HTR2C: variants seen among roughly 807,000 people sequenced by gnomAD.
HTR2C encodes the protein 5-hydroxytryptamine (serotonin) receptor 2C, G protein-coupled.
In HTR2C, 5 loss-of-function variants were observed where a neutral mutation model predicts 21.0. The observed-to-expected ratio is 0.24, with a 90% CI of 0.12 to 0.50. HTR2C has a LOEUF of 0.50. Ranked by LOEUF, HTR2C falls within the 20% of genes least tolerant of loss-of-function variation. The probability of loss-of-function intolerance (pLI) is 0.98; values close to 1 mark genes in which losing one functional copy is unlikely to be tolerated. For missense variants in HTR2C, 271 were observed against 371.2 expected (o/e 0.73, Z 2.22); for synonymous variants, 150 against 145.3 (o/e 1.03, Z -0.23).
chrX:114,754,491 C>T (rs1213983454), intron 4 of HTR2C, among the ~76,000 whole-genome samples: 1 of 111,260 alleles, frequency 9.0e-6, no homozygotes. Context: ...CAGAAATATA[C>T]CCACATAAAT....
intron 4 of HTR2C, among the ~76,000 whole-genome samples, chrX:114,752,708 C>T (rs182335481): frequency 1.8e-5 from 2 of 110,440 alleles, no homozygotes; most frequent in African/African-American, 6.6e-5. Flanking sequence ...TCTCTCCCAA[C>T]AGAACGCAAC....
At chrX:114,591,824 C>T (rs1292841903) in intron 1 of HTR2C, among the ~76,000 whole-genome samples, 5 of 112,003 alleles carry the variant, frequency 4.5e-5, no homozygotes, top group African/African-American at 9.7e-5. Flanking sequence ...TTCTACAATA[C>T]TTCCCTAAGG....
At chrX:114,603,559 G>A (rs1194357434) in intron 1 of HTR2C, among the ~76,000 whole-genome samples, 17 of 104,233 alleles carry the variant, frequency 1.6e-4, no homozygotes, top group Middle Eastern at 9.5e-3. Context: ...ATTCGGACAC[G>A]ATTGGCAGAG....
chrX:114,901,742 G>A (rs1325394421), intron 5 of HTR2C, among the ~76,000 whole-genome samples: 1 of 111,350 alleles, frequency 9.0e-6, no homozygotes, highest in Non-Finnish European at 1.9e-5. Flanking sequence ...AGTACCTAAG[G>A]TTTGCAGCAC....
chrX:114,631,040 T>A (rs1929597333), intron 2 of HTR2C: 1 of 221,251 alleles, frequency 4.5e-6, no homozygotes, highest in Admixed American at 4.6e-5. Context: ...GCGCGGTGGC[T>A]CACTCCTGTA....
In HTR2C at chrX:114,739,616, T is replaced by C. The variant is rs140551156; in HGVS notation, c.349+8009T>C. ...ATTGATATCATTGGCATAACAACAA[T>C]AATAATAATAACAATAATACATGCC... On this transcript the variant is annotated intron_variant, in intron 4 of 5. Coordinates refer to ENST00000276198, the MANE Select transcript of HTR2C (RefSeq NM_000868.4). Among the ~76,000 whole-genome samples the C allele has an allele frequency of 8.4e-3, 926 of 110,852 alleles. 11 individuals are homozygous for C. The highest frequency in any genetic ancestry group is 0.029 in the African/African-American group (877 of 30,556).
In HTR2C at chrX:114,775,565, G is replaced by A. The variant is rs2070048959; in HGVS notation, c.349+43958G>A. ...CAGGAGGACAGTCATGACTCCACCA[G>A]CAAGTTCAATACCAAAGGAAAGAGG... On this transcript the variant is annotated intron_variant, in intron 4 of 5. Coordinates refer to ENST00000276198, the MANE Select transcript of HTR2C (RefSeq NM_000868.4). 8.1e-6 allele frequency: 4 copies of A among 493,889 alleles called. No homozygotes were observed. The South Asian group carries it at 1.0e-4, about 13-fold the overall frequency. 40.7% of individuals were successfully genotyped at this position (493,889 alleles called of 1,213,427 possible). A position where few individuals can be genotyped will look rare whatever the true frequency, so the allele number is the denominator to read the frequency against.
intron 2 of HTR2C, among the ~76,000 whole-genome samples, chrX:114,648,194 C>T (rs1569481177): frequency 9.0e-6 from 1 of 110,987 alleles, no homozygotes; most frequent in Non-Finnish European, 1.9e-5. Flanking sequence ...TCAGATTCCC[C>T]TCTGTGACTC....
chrX:114,810,452 G>A (rs2070520283), intron 4 of HTR2C, among the ~76,000 whole-genome samples: 1 of 109,268 alleles, frequency 9.2e-6, no homozygotes, highest in South Asian at 4.2e-4. Context: ...CTGACCACTG[G>A]GATGGACAAT....
intron 4 of HTR2C, among the ~76,000 whole-genome samples, chrX:114,731,945 A>G (rs1556423502): frequency 2.7e-5 from 3 of 111,756 alleles, no homozygotes; most frequent in African/African-American, 9.7e-5. Context: ...TGGGCAGTAC[A>G]CATACCTACT....
At chrX:114,899,657 G>A (rs1430555982) in intron 5 of HTR2C, among the ~76,000 whole-genome samples, 5 of 107,697 alleles carry the variant, frequency 4.6e-5, no homozygotes, top group Admixed American at 9.7e-5. Flanking sequence ...CAGGTGGGCC[G>A]TTGCCCCGCC....
At chrX:114,877,023 C>T (rs1214226351) in intron 5 of HTR2C, among the ~76,000 whole-genome samples, 5 of 111,272 alleles carry the variant, frequency 4.5e-5, no homozygotes, top group Non-Finnish European at 9.5e-5. Flanking sequence ...AGGTTTGGTG[C>T]TAGTTCTTCA....
At chrX:114,796,020 A>G (rs781786797) in intron 4 of HTR2C, among the ~76,000 whole-genome samples, 1 of 111,434 alleles carries the variant, frequency 9.0e-6, no homozygotes, top group South Asian at 3.7e-4. Context: ...TTTTCCCTTG[A>G]GTTTTCTTCT....
chrX:114,786,636 TTTG>T (rs1181921874), intron 4 of HTR2C, among the ~76,000 whole-genome samples: 1 of 111,161 alleles, frequency 9.0e-6, no homozygotes, highest in African/African-American at 3.3e-5. Flanking sequence ...CTCTCATGAA[TTTG>T]TTATGGGTGG....
chrX:114,854,564 C>G (rs1214754770), intron 5 of HTR2C, among the ~76,000 whole-genome samples: 1 of 110,574 alleles, frequency 9.0e-6, no homozygotes, highest in Non-Finnish European at 1.9e-5. Flanking sequence ...TCACCATATA[C>G]AAAAATTAAC....
At chrX:114,796,075 T>G (rs1556445199) in intron 4 of HTR2C, among the ~76,000 whole-genome samples, 2 of 111,551 alleles carry the variant, frequency 1.8e-5, no homozygotes, top group Non-Finnish European at 3.8e-5. Flanking sequence ...CTTGGATACC[T>G]TCCTGCCAAG....
At chrX:114,675,857 GTTTCTTT>G (rs1363220048) in intron 2 of HTR2C, among the ~76,000 whole-genome samples, 17 of 100,345 alleles carry the variant, frequency 1.7e-4, no homozygotes, top group East Asian at 1.2e-3. Flanking sequence ...AAGACTTTTC[GTTTCTTT>G]TTTCTTTTTT....
chrX:114,756,687 A>G (rs1006552454), intron 4 of HTR2C, among the ~76,000 whole-genome samples: 23 of 112,061 alleles, frequency 2.1e-4, no homozygotes, highest in Non-Finnish European at 3.8e-4. Flanking sequence ...GGGAGCAGAG[A>G]AGGAAAGTGG....
At chrX:114,682,421 G>A (rs60147529) in intron 2 of HTR2C, among the ~76,000 whole-genome samples, 1,288 of 111,083 alleles carry the variant, frequency 0.012, 14 homozygotes, top group African/African-American at 0.039. Flanking sequence ...ATCTATAATT[G>A]GTGGGCGGCA....
Sources: gnomAD v4.1 joint callset for allele counts (sites outside exome capture counted in the v4.1 genomes callset) on GRCh38, gnomAD v4.1.1 for gene constraint, MANE v1.5 for transcripts, NCBI Gene and HGNC (gene_info 2026-07-23, HGNC 2026-07-21) for gene names.